MARCHF3: variants seen among roughly 807,000 people sequenced by gnomAD.
MARCHF3 encodes the protein membrane associated ring-CH-type finger 3.
A neutral mutation model predicts 24.2 loss-of-function variants in MARCHF3; 13 were observed. That is an observed-to-expected ratio of 0.54 (90% CI 0.35 to 0.85). The LOEUF (loss-of-function observed/expected upper bound fraction) is 0.85. Among genes scored for constraint, MARCHF3 ranks in the 40% least tolerant of loss-of-function variants. MARCHF3 has a pLI of 0.01. For missense variants in MARCHF3, 276 were observed against 325.0 expected, an observed-to-expected ratio of 0.85 and a Z score of 1.16; for synonymous variants, 144 against 137.3, an observed-to-expected ratio of 1.05 and a Z score of -0.34.
At position 126,934,747 on chromosome 5, in the gene MARCHF3, C is replaced by T. The variant is rs1006053208; in HGVS notation, c.-56-16520G>A. Among the ~76,000 whole-genome samples the T allele has an allele frequency of 3.3e-5, 5 of 152,046 alleles. No homozygotes were observed. In the South Asian group the frequency reaches 6.2e-4, roughly 19 times the overall value. ...AGAAAGAAAAAGAAAAAATAAATGACGAAACGAGTGGATACAGAGCCAAAA... is the reference window on the plus strand; with the variant it reads ...AGAAAGAAAAAGAAAAAATAAATGATGAAACGAGTGGATACAGAGCCAAAA... On this transcript the variant is annotated intron_variant, in intron 1 of 4. Coordinates refer to ENST00000308660, the MANE Select transcript of MARCHF3 (RefSeq NM_178450.5).
chr5:126,915,068 A>AGAGAGC lies in MARCHF3; in HGVS notation c.249_254dup (p.Leu84_Ser85dup). ...CCAAGGTCCCTGTACATTCACATGG[A>AGAGAGC]GAGAGCAAGTCCTCTTGGCTGCTGC... On this transcript the variant is annotated inframe_insertion, in exon 3 of 5. Transcript: ENST00000308660. 1 of 1,614,174 alleles carries AGAGAGC rather than the reference A, an allele frequency of 6.2e-7. No individual in the cohort carries two copies. The highest frequency in any genetic ancestry group is 8.5e-7 in the Non-Finnish European group (1 of 1,180,036).
chr5:126,946,782 G>GTGTGTGTGTGTGTC (rs1750029994), intron 1 of MARCHF3, among the ~76,000 whole-genome samples: 2 of 151,126 alleles, frequency 1.3e-5, no homozygotes, highest in Admixed American at 6.6e-5. Context: ...GTGTGTGTGT[G>GTGTGTGTGTGTGTC]TGTGTGTGTG....
intron 1 of MARCHF3, among the ~76,000 whole-genome samples, chr5:126,950,731 T>C (rs1750202843): frequency 6.6e-6 from 1 of 152,196 alleles, no homozygotes; most frequent in African/African-American, 2.4e-5. Context: ...TGGTTATTTC[T>C]TCCACCTCAA....
chr5:126,885,930 G>A (rs1022467674), intron 3 of MARCHF3, among the ~76,000 whole-genome samples: 5 of 151,542 alleles, frequency 3.3e-5, no homozygotes, highest in Admixed American at 6.6e-5. Flanking sequence ...TCATGAAGTC[G>A]TATGAGAAAC....
intron 1 of MARCHF3, among the ~76,000 whole-genome samples, chr5:126,995,282 G>A (rs534270295): frequency 5.6e-4 from 86 of 152,344 alleles, no homozygotes; most frequent in Non-Finnish European, 1.1e-3. Context: ...AATCAATTGA[G>A]CCAATGTACC....
Position 126,915,046 on chromosome 5 carries a change from A to G in MARCHF3, c.277T>C (p.Leu93=), listed in dbSNP as rs781600031. 5.6e-6 allele frequency: 9 copies of G among 1,614,104 alleles called. No homozygotes were observed. In the Admixed American group the frequency reaches 1.5e-4, roughly 27 times the overall value. The part of the protein sequence containing the change: ...LLSPCECTGT[L]GTIHRSCLEH... ...AGGCAGCTCCGATGAATTGTCCCCA[A>G]GGTCCCTGTACATTCACATGGAGAG... Residue 93 remains leucine (L), a synonymous_variant, in exon 3 of 5, where the codon TTG becomes CTG. Coordinates refer to ENST00000308660, the MANE Select transcript of MARCHF3 (RefSeq NM_178450.5).
At chr5:126,893,354 C>T (rs925696016) in intron 3 of MARCHF3, among the ~76,000 whole-genome samples, 3 of 151,138 alleles carry the variant, frequency 2.0e-5, no homozygotes, top group African/African-American at 7.3e-5. Context: ...TTTGCTCTTG[C>T]ATTTCTAGTT....
chr5:126,950,966 G>A (rs1221863221), intron 1 of MARCHF3, among the ~76,000 whole-genome samples: 1 of 152,118 alleles, frequency 6.6e-6, no homozygotes, highest in East Asian at 1.9e-4. Context: ...CCACAATCAA[G>A]ACAATGAACT....
intron 4 of MARCHF3, among the ~76,000 whole-genome samples, chr5:126,871,332 G>A (rs1752957009): frequency 6.6e-6 from 1 of 152,100 alleles, no homozygotes; most frequent in South Asian, 2.1e-4. Flanking sequence ...GGCCCCAGTG[G>A]GTGATTCCTA....
At chr5:127,011,231 C>T (rs1049095844) in intron 1 of MARCHF3, among the ~76,000 whole-genome samples, 1 of 152,154 alleles carries the variant, frequency 6.6e-6, no homozygotes, top group Non-Finnish European at 1.5e-5. Flanking sequence ...AAACTATCCA[C>T]TCGGTACACT....
intron 1 of MARCHF3, among the ~76,000 whole-genome samples, chr5:126,994,095 A>C (rs1751867415): frequency 6.6e-6 from 1 of 152,250 alleles, no homozygotes; most frequent in Non-Finnish European, 1.5e-5. Context: ...ATTTATAATG[A>C]CCAATATCTG....
chr5:126,909,076 G>A lies in MARCHF3; in HGVS notation c.393+5854C>T, dbSNP rs1006996441. Among the ~76,000 whole-genome samples, 21 of 152,198 alleles carry A rather than the reference G, an allele frequency of 1.4e-4. No individual in the cohort carries two copies. In the East Asian group the frequency reaches 3.7e-3, roughly 27 times the overall value. On this transcript the variant is annotated intron_variant, in intron 3 of 4. Coordinates refer to ENST00000308660, the MANE Select transcript of MARCHF3 (RefSeq NM_178450.5). Reference sequence around the variant, plus strand: ...CAGCTGCAGGTCTGTTGGAGTACCCGGCCGTGTGAGGTGTCAGTCTGCCCC... The same window carrying A: ...CAGCTGCAGGTCTGTTGGAGTACCCAGCCGTGTGAGGTGTCAGTCTGCCCC...
intron 3 of MARCHF3, among the ~76,000 whole-genome samples, chr5:126,910,390 C>T (rs1754475293): frequency 6.6e-6 from 1 of 152,156 alleles, no homozygotes; most frequent in Non-Finnish European, 1.5e-5. Flanking sequence ...TGGCAAAAGG[C>T]TGGAGTCAAG....
chr5:126,961,700 G>C (rs984893261), intron 1 of MARCHF3, among the ~76,000 whole-genome samples: 5 of 152,126 alleles, frequency 3.3e-5, no homozygotes, highest in Non-Finnish European at 5.9e-5. Flanking sequence ...TCAAACATAT[G>C]TAATTTGGCT....
At chr5:126,908,589 A>T (rs970175620) in intron 3 of MARCHF3, among the ~76,000 whole-genome samples, 6 of 152,086 alleles carry the variant, frequency 3.9e-5, no homozygotes, top group African/African-American at 1.4e-4. Context: ...CATCAATGGT[A>T]TCCTTTCTTC....
intron 1 of MARCHF3, among the ~76,000 whole-genome samples, chr5:126,974,677 C>T (rs571527127): frequency 3.9e-4 from 60 of 152,294 alleles, no homozygotes; most frequent in Non-Finnish European, 7.5e-4. Flanking sequence ...TTCAGGGAAT[C>T]TTGACCAAGA....
chr5:126,993,166 C>T (rs1292159048), intron 1 of MARCHF3, among the ~76,000 whole-genome samples: 3 of 152,106 alleles, frequency 2.0e-5, no homozygotes, highest in African/African-American at 7.2e-5. Context: ...ACTGATTTTT[C>T]CGTTGAGTAT....
intron 3 of MARCHF3, among the ~76,000 whole-genome samples, chr5:126,913,989 T>C (rs1754628867): frequency 6.9e-6 from 1 of 144,324 alleles, no homozygotes; most frequent in Admixed American, 6.9e-5. Context: ...TTTTTTTTTT[T>C]TTTTTTTTTT....
At chr5:126,941,944 G>C (rs1190919888) in intron 1 of MARCHF3, among the ~76,000 whole-genome samples, 1 of 152,148 alleles carries the variant, frequency 6.6e-6, no homozygotes, top group African/African-American at 2.4e-5. Flanking sequence ...GCTCATTCCT[G>C]GTTTACAGAA....
Sources: allele counts gnomAD v4.1 joint callset (sites outside exome capture counted in the v4.1 genomes callset), GRCh38; gene constraint gnomAD v4.1.1; transcripts MANE v1.5; gene names NCBI Gene and HGNC (gene_info 2026-07-23, HGNC 2026-07-21).